Variants in TF observed in about 807,000 individuals in gnomAD.
The protein encoded by TF is transferrin, also known as serotransferrin.
TF carries 55 observed loss-of-function variants against 82.4 expected under a neutral mutation model. That is an observed-to-expected ratio of 0.67 (90% CI 0.54 to 0.84). The LOEUF is 0.84. Ranked by LOEUF, TF falls within the 40% of genes least tolerant of loss-of-function variation. The probability of loss-of-function intolerance (pLI) is 0.00; values close to 1 mark genes in which losing one functional copy is unlikely to be tolerated. For missense variants in TF, 737 were observed against 868.4 expected (o/e 0.85, Z 1.90); for synonymous variants, 332 against 332.6 (o/e 1.00, Z 0.02).
intron 5 of TF, chr3:133,755,892 T>A: frequency 2.3e-6 from 1 of 427,142 alleles, no homozygotes; most frequent in South Asian, 2.5e-5. Flanking sequence ...CCTGCCCCCA[T>A]CACCGTCTCT....
intron 15 of TF, 94 bp from the exon 16 acceptor site, chr3:133,776,955 A>G: frequency 8.5e-7 from 1 of 1,172,264 alleles, no homozygotes. Context: ...CTTTTTCCCC[A>G]GGGCTGGTTC....
At chr3:133,764,404 TG>T (rs1934073991) in intron 10 of TF, 129 bp downstream of exon 10, 1 of 777,030 alleles carries the variant, frequency 1.3e-6, no homozygotes, top group African/African-American at 1.7e-5. Context: ...CCTCCTACTT[TG>T]CAAGCTCTGG....
chr3:133,732,867 A>G, the TF span, among the ~76,000 whole-genome samples: 1 of 152,180 alleles, frequency 6.6e-6, no homozygotes, highest in Non-Finnish European at 1.5e-5. Context: ...GGGCACTGAG[A>G]GCTTGGGTGA....
chr3:133,715,826 C>T, the TF span, among the ~76,000 whole-genome samples: 133 of 152,298 alleles, frequency 8.7e-4, no homozygotes, highest in African/African-American at 3.0e-3. Flanking sequence ...GGTACACCAC[C>T]GACCACTGTG....
the TF span, among the ~76,000 whole-genome samples, chr3:133,665,599 C>G: frequency 6.6e-6 from 1 of 152,044 alleles, no homozygotes; most frequent in African/African-American, 2.4e-5. Context: ...TAGAGCCAGT[C>G]TCTCCAGACC....
At chr3:133,770,401 T>C in intron 13 of TF, 107 bp from the exon 14 acceptor site, 1 of 950,190 alleles carries the variant, frequency 1.1e-6, no homozygotes. Context: ...GAAGTTACAG[T>C]TGCTGTTTTC....
At chr3:133,776,905 A>G (rs1266565209) in intron 15 of TF, 144 bp from the exon 16 acceptor site, 4 of 733,466 alleles carry the variant, frequency 5.5e-6, no homozygotes, top group African/African-American at 3.5e-5. Context: ...ATGGCAGATA[A>G]AGGAGGTGGA....
At chr3:133,687,086 A>G in the TF span, among the ~76,000 whole-genome samples, 1 of 152,234 alleles carries the variant, frequency 6.6e-6, no homozygotes, top group East Asian at 1.9e-4. Context: ...TGAGCAAACT[A>G]TCGCAAGGAC....
the TF span, among the ~76,000 whole-genome samples, chr3:133,702,787 CATTTT>C: frequency 3.9e-5 from 6 of 152,036 alleles, no homozygotes; most frequent in African/African-American, 7.2e-5. Flanking sequence ...GCAACCATTT[CATTTT>C]GTTTTGTTTA....
chr3:133,759,350 T>C, intron 9 of TF, 21 bp downstream of exon 9: 1 of 1,612,538 alleles, frequency 6.2e-7, no homozygotes, highest in Non-Finnish European at 8.5e-7. Flanking sequence ...CCAGCCTTCC[T>C]AGGGCAGCGT....
At chr3:133,670,687 T>A in the TF span, among the ~76,000 whole-genome samples, 3 of 152,250 alleles carry the variant, frequency 2.0e-5, no homozygotes, top group Non-Finnish European at 4.4e-5. Flanking sequence ...TTTATTGATC[T>A]GTTTGATTTT....
At chr3:133,705,113 A>G in the TF span, among the ~76,000 whole-genome samples, 1 of 152,132 alleles carries the variant, frequency 6.6e-6, no homozygotes, top group Non-Finnish European at 1.5e-5. Context: ...TGTCTCTACT[A>G]AAAATACAAA....
Position 133,756,840 on chromosome 3 carries a change from C to T in TF, c.701C>T (p.Ala234Val), listed in dbSNP as rs774362940. The T allele has an allele frequency of 4.9e-5, 79 of 1,614,082 alleles. No homozygotes were observed. The highest frequency in any genetic ancestry group is 5.9e-5 in the Non-Finnish European group (70 of 1,180,034). ...VKHSTIFENL[A>V]NKADRDQYEL... ...GGCTTTCCCTCCCCAGAGAACTTGG[C>T]AAACAAGGCTGACAGGGACCAGTAT... The change falls in exon 7 of 17, where the codon GCA becomes GTA. Residue 234 changes from alanine to valine, a missense_variant. Transcript: ENST00000402696.
chr3:133,681,998 G>A, the TF span, among the ~76,000 whole-genome samples: 22 of 152,126 alleles, frequency 1.4e-4, no homozygotes, highest in Non-Finnish European at 1.9e-4. Context: ...CATCTGAGAC[G>A]AAGCTTCCAG....
At position 133,794,220 on chromosome 3, in the gene TF, A is replaced by C. The variant is rs1405489635; in HGVS notation, c.*15600A>C. ...TTTGTTAGTAAAATTTCTGCATTAC[A>C]TGACTCGTCACGGAAAAGATAAAAT... On this transcript the variant is annotated 3_prime_UTR_variant, in exon 17 of 17. Coordinates refer to ENST00000402696, the MANE Select transcript of TF (RefSeq NM_001063.4). 1 of 152,200 alleles carries C rather than the reference A, an allele frequency of 6.6e-6. No individual in the cohort carries two copies. The highest frequency in any genetic ancestry group is 1.9e-4 in the East Asian group (1 of 5,194). The allele number at this position is 152,200 out of a possible 1,614,324, so 9.4% of individuals were successfully genotyped here.
chr3:133,755,231 G>C, intron 4 of TF, 132 bp from the exon 5 acceptor site: 1 of 1,165,516 alleles, frequency 8.6e-7, no homozygotes, highest in Non-Finnish European at 1.3e-6. Context: ...GTTAGCATAA[G>C]GGCAAGCTGG....
chr3:133,668,038 A>G, the TF span, among the ~76,000 whole-genome samples: 1 of 152,256 alleles, frequency 6.6e-6, no homozygotes, highest in Non-Finnish European at 1.5e-5. Flanking sequence ...TATGGAAGTA[A>G]TAAACCATCT....
Position 133,757,956 on chromosome 3 carries a change from T to C in TF, c.1048+10T>C. On this transcript the variant is annotated intron_variant, in intron 8 of 16. Transcript: ENST00000402696. The stretch of plus-strand genomic sequence containing the variant: ...CTACGGGAAGGCACATGTGAGTACC[T>C]GGGAAGAACCAGGTGACCACAAGCA... The C allele has an allele frequency of 6.2e-7, 1 of 1,613,908 alleles. No homozygotes were observed. The highest frequency in any genetic ancestry group is 8.5e-7 in the Non-Finnish European group (1 of 1,179,940).
At chr3:133,748,256 G>C in intron 1 of TF, 156 bp from the exon 2 acceptor site, 1 of 954,704 alleles carries the variant, frequency 1.0e-6, no homozygotes, top group Non-Finnish European at 1.6e-6. Flanking sequence ...CTCAGACTCA[G>C]AATGCAGTAG....
Sources: gnomAD v4.1 joint callset for allele counts (sites outside exome capture counted in the v4.1 genomes callset) on GRCh38, gnomAD v4.1.1 for gene constraint, MANE v1.5 for transcripts, NCBI Gene and HGNC (gene_info 2026-07-23, HGNC 2026-07-21) for gene names.